DACH1: variants seen among roughly 807,000 people sequenced by gnomAD.
The protein encoded by DACH1 is dachshund family transcription factor 1.
A neutral mutation model predicts 54.2 loss-of-function variants in DACH1; 12 were observed. That is an observed-to-expected ratio of 0.22 (90% CI 0.14 to 0.36). DACH1 has a LOEUF of 0.36. DACH1 is among the 10% of genes least tolerant of loss of function. The pLI, the probability that DACH1 is intolerant of heterozygous loss-of-function variation, is 1.00. For synonymous variants in DACH1, 386 were observed against 366.2 expected (o/e 1.05, Z -0.62); for missense variants, 805 against 929.8 (o/e 0.87, Z 1.75).
intron 2 of DACH1, among the ~76,000 whole-genome samples, chr13:71,660,949 A>G (rs982705764): frequency 6.6e-6 from 1 of 150,644 alleles, no homozygotes; most frequent in African/African-American, 2.4e-5. Context: ...TTTAGAGAGT[A>G]TTATGGATAA....
At chr13:71,715,477 CTAAGAA>C (rs1882925119) in intron 1 of DACH1, among the ~76,000 whole-genome samples, 1 of 152,038 alleles carries the variant, frequency 6.6e-6, no homozygotes, top group Non-Finnish European at 1.5e-5. Flanking sequence ...TTCTTCCAAC[CTAAGAA>C]GGCGGTTTCC....
intron 1 of DACH1, among the ~76,000 whole-genome samples, chr13:71,790,776 T>G (rs1886798978): frequency 6.6e-6 from 1 of 152,170 alleles, no homozygotes; most frequent in African/African-American, 2.4e-5. Context: ...AAAAAAGCAT[T>G]ACTTTGCAAT....
intron 1 of DACH1, among the ~76,000 whole-genome samples, chr13:71,693,410 C>A (rs1881632052): frequency 6.9e-6 from 1 of 144,886 alleles, no homozygotes; most frequent in Non-Finnish European, 1.5e-5. Context: ...TCACGCCATT[C>A]TCCTGCCTCA....
intron 1 of DACH1, among the ~76,000 whole-genome samples, chr13:71,826,132 T>C (rs1888370125): frequency 1.3e-5 from 2 of 152,130 alleles, no homozygotes; most frequent in Admixed American, 1.3e-4. Flanking sequence ...AGTTACATTT[T>C]ACAGCAACAA....
At chr13:71,753,416 G>A (rs995560455) in intron 1 of DACH1, among the ~76,000 whole-genome samples, 5 of 152,120 alleles carry the variant, frequency 3.3e-5, no homozygotes, top group Non-Finnish European at 5.9e-5. Context: ...AAAGGTTCGT[G>A]CACCATCACA....
At chr13:71,711,164 G>T (rs1358224329) in intron 1 of DACH1, among the ~76,000 whole-genome samples, 2 of 152,050 alleles carry the variant, frequency 1.3e-5, no homozygotes, top group Non-Finnish European at 2.9e-5. Flanking sequence ...TTCATGCACT[G>T]GGAAAATCTG....
At chr13:71,525,434 G>A (rs1398341008) in intron 6 of DACH1, among the ~76,000 whole-genome samples, 3 of 152,094 alleles carry the variant, frequency 2.0e-5, no homozygotes, top group Admixed American at 2.0e-4. Context: ...GGAAAGTCCC[G>A]TTATTGTCAA....
intron 3 of DACH1, among the ~76,000 whole-genome samples, chr13:71,599,167 G>A (rs1874318254): frequency 6.6e-6 from 1 of 152,070 alleles, no homozygotes. Flanking sequence ...AGACATTTGA[G>A]CATTCATCTA....
At chr13:71,595,118 G>A (rs1425056573) in intron 3 of DACH1, among the ~76,000 whole-genome samples, 4 of 151,988 alleles carry the variant, frequency 2.6e-5, no homozygotes, top group Non-Finnish European at 5.9e-5. Context: ...ATATATGTAC[G>A]GATCTCTGGA....
intron 1 of DACH1, among the ~76,000 whole-genome samples, chr13:71,798,323 C>CATATAT (rs35310464): frequency 0.011 from 1,081 of 96,264 alleles, 19 homozygotes; most frequent in African/African-American, 0.016. Flanking sequence ...TTGTTACATA[C>CATATAT]ATATATATAT....
intron 1 of DACH1, among the ~76,000 whole-genome samples, chr13:71,772,939 G>A (rs1425746452): frequency 6.6e-6 from 1 of 151,564 alleles, no homozygotes; most frequent in East Asian, 1.9e-4. Context: ...ATGTTGTTTC[G>A]ATATAACTAT....
At chr13:71,519,883 G>GTATATATATATATATATA (rs57190375) in intron 6 of DACH1, among the ~76,000 whole-genome samples, 3,486 of 29,012 alleles carry the variant, frequency 0.12, 696 homozygotes, top group Middle Eastern at 0.25. Context: ...AACCAAAGTA[G>GTATATATATATATATATA]TATATATATA....
At chr13:71,726,693 T>C (rs547598111) in intron 1 of DACH1, among the ~76,000 whole-genome samples, 2 of 152,152 alleles carry the variant, frequency 1.3e-5, no homozygotes, top group East Asian at 3.9e-4. Context: ...TATCATCTTA[T>C]CTCATTAAGT....
At chr13:71,470,588 A>T (rs1341071920) in intron 10 of DACH1, among the ~76,000 whole-genome samples, 1 of 152,110 alleles carries the variant, frequency 6.6e-6, no homozygotes, top group East Asian at 1.9e-4. Flanking sequence ...CAGCCTCCCA[A>T]AGTGCTGGGA....
At chr13:71,664,825 C>G (rs148770736) in intron 2 of DACH1, among the ~76,000 whole-genome samples, 1 of 152,092 alleles carries the variant, frequency 6.6e-6, no homozygotes, top group East Asian at 1.9e-4. Flanking sequence ...GCTTCAACTA[C>G]TTTTGCTAAT....
chr13:71,649,506 C>T (rs559812094), intron 2 of DACH1, among the ~76,000 whole-genome samples: 2 of 152,220 alleles, frequency 1.3e-5, no homozygotes, highest in African/African-American at 4.8e-5. Context: ...AGGGAGTACA[C>T]ATAATGAACT....
chr13:71,517,596 A>T (rs1881259602), intron 6 of DACH1, among the ~76,000 whole-genome samples: 1 of 151,934 alleles, frequency 6.6e-6, no homozygotes, highest in Admixed American at 6.6e-5. Flanking sequence ...AAAGGTGCAC[A>T]TGATAAATAC....
chr13:71,790,623 C>CTT (rs1886795022), intron 1 of DACH1, among the ~76,000 whole-genome samples: 1 of 152,138 alleles, frequency 6.6e-6, no homozygotes, highest in Non-Finnish European at 1.5e-5. Context: ...ATAATGAGAG[C>CTT]TACCAAAAAG....
intron 2 of DACH1, among the ~76,000 whole-genome samples, chr13:71,651,699 T>C (rs1878694035): frequency 6.9e-6 from 1 of 144,732 alleles, no homozygotes; most frequent in African/African-American, 2.6e-5. Flanking sequence ...TATATGTATA[T>C]GTATATGTAT....
Sources: gnomAD v4.1 joint callset for allele counts (sites outside exome capture counted in the v4.1 genomes callset) on GRCh38, gnomAD v4.1.1 for gene constraint, MANE v1.5 for transcripts, NCBI Gene and HGNC (gene_info 2026-07-23, HGNC 2026-07-21) for gene names.